Variants in NBPF3 observed in about 807,000 individuals in gnomAD.
NBPF3 encodes the protein NBPF member 3.
In NBPF3, 57 loss-of-function variants were observed where a neutral mutation model predicts 78.1. The ratio of observed to expected loss-of-function variants is 0.73; its 90% CI spans 0.59 to 0.91. The LOEUF is 0.91. Ranked by LOEUF, NBPF3 falls within the 40% of genes least tolerant of loss-of-function variation. The pLI is 0.00. For synonymous variants in NBPF3, 182 were observed against 271.7 expected (o/e 0.67, Z 3.25); for missense variants, 510 against 715.3 (o/e 0.71, Z 3.27).
chr1:21,445,370 A>G, intron 2 of NBPF3, 151 bp downstream of exon 2: 3 of 942,228 alleles, frequency 3.2e-6, no homozygotes, highest in South Asian at 3.5e-5. Context: ...TGTTAAATGA[A>G]TGAACAAATA....
chr1:21,444,788 G>T (rs868530359), intron 1 of NBPF3, among the ~76,000 whole-genome samples, 160 bp from the exon 2 acceptor site: 1 of 152,042 alleles, frequency 6.6e-6, no homozygotes, highest in South Asian at 2.1e-4. Flanking sequence ...CAGGACTGTT[G>T]ATTACATATG....
intron 2 of NBPF3, among the ~76,000 whole-genome samples, chr1:21,447,758 C>A (rs1394562739): frequency 6.6e-6 from 1 of 152,162 alleles, no homozygotes; most frequent in African/African-American, 2.4e-5. Context: ...AGTGACAGTA[C>A]CCTTTTGATT....
In NBPF3 at chr1:21,468,692, T is replaced by C. The variant is rs534234854; in HGVS notation, c.138T>C (p.Pro46=). 8.7e-6 allele frequency: 14 copies of C among 1,613,230 alleles called. No homozygotes were observed. The South Asian group carries it at 1.5e-4, about 18-fold the overall frequency. The change falls in exon 3 of 15, where the codon CCT becomes CCC. Residue 46 remains proline, a synonymous_variant. Transcript: ENST00000318249. ...RHQELRDPTV[P]GPTSSATNVS... The stretch of plus-strand genomic sequence containing the variant: ...GTTTGGGTGTCTTCTCCCCAGTCCC[T>C]GGCCCCACCTCTTCTGCCACAAACG...
Position 21,476,373 on chromosome 1 carries a change from G to T in NBPF3, c.992+1422G>T, listed in dbSNP as rs1642889253. 6.6e-6 allele frequency among the ~76,000 whole-genome samples: 1 copy of T among 152,130 alleles called. No homozygotes were observed. The highest frequency in any genetic ancestry group is 6.5e-5 in the Admixed American group (1 of 15,276). The stretch of plus-strand genomic sequence containing the variant: ...ATGCACTTTCTTCCTAGCATTGATG[G>T]TCTTTACAATTTGGCACGTTTTTGC... On this transcript the variant is annotated intron_variant, in intron 8 of 14. Coordinates refer to ENST00000318249, the MANE Select transcript of NBPF3 (RefSeq NM_032264.6). The surrounding 1 kb of genome is among the most constrained non-coding windows in gnomAD (Gnocchi z 4.1).
Position 21,476,098 on chromosome 1 carries a change from T to TG in NBPF3, c.992+1148dup, listed in dbSNP as rs2148004885. The stretch of plus-strand genomic sequence containing the variant: ...TATCAAAGACTAGGATTGCAACCCC[T>TG]GCTTTTTTTTGCTCTCCATTTGCTT... On this transcript the variant is annotated intron_variant, in intron 8 of 14. Coordinates refer to ENST00000318249, the MANE Select transcript of NBPF3 (RefSeq NM_032264.6). This position sits in a 1 kb window ranked among gnomAD's most constrained non-coding sequence, Gnocchi z 4.1. Among the ~76,000 whole-genome samples the TG allele has an allele frequency of 1.3e-5, 1 of 79,518 alleles. No individual in the cohort carries two copies. The highest frequency in any genetic ancestry group is 9.6e-4 in the South Asian group (1 of 1,044). 52.2% of individuals were successfully genotyped at this position (79,518 alleles called of 152,430 possible).
At position 21,479,186 on chromosome 1, in the gene NBPF3, C is replaced by T. The variant is rs184276306; in HGVS notation, c.1157-163C>T. ...GCTCATGAAAGGAACCAAGTCAGTT[C>T]TCTCAAGACTTGCCCTCAGGCCTCC... On this transcript the variant is annotated intron_variant, in intron 9 of 14. Coordinates refer to ENST00000318249, the MANE Select transcript of NBPF3 (RefSeq NM_032264.6). 1.7e-3 allele frequency among the ~76,000 whole-genome samples: 259 copies of T among 152,380 alleles called. 1 individual carries two copies. The highest frequency in any genetic ancestry group is 2.6e-3 in the Non-Finnish European group (174 of 68,042).
chr1:21,446,543 C>T (rs1269890415), intron 2 of NBPF3: 1 of 116,976 alleles, frequency 8.5e-6, no homozygotes, highest in Non-Finnish European at 1.8e-5. Context: ...TGCCTCCCTC[C>T]CACCCACCCT....
intron 2 of NBPF3, chr1:21,446,207 T>A (rs1350661340): frequency 6.6e-6 from 1 of 152,198 alleles, no homozygotes; most frequent in Non-Finnish European, 1.5e-5. Context: ...TTGTCTCATC[T>A]CGTTCTTGTG....
chr1:21,443,086 T>C (rs1569905593), intron 1 of NBPF3, among the ~76,000 whole-genome samples: 1 of 152,368 alleles, frequency 6.6e-6, no homozygotes, highest in East Asian at 1.9e-4. Context: ...TATGGTCATC[T>C]GATTTATGAA....
intron 3 of NBPF3, among the ~76,000 whole-genome samples, chr1:21,469,795 G>A (rs2147984324): frequency 6.6e-6 from 1 of 152,274 alleles, no homozygotes; most frequent in South Asian, 2.1e-4. Flanking sequence ...TCCTAAAGAG[G>A]AAGAAGGATC....
chr1:21,447,222 G>C (rs1160142690), intron 2 of NBPF3, among the ~76,000 whole-genome samples: 1 of 152,110 alleles, frequency 6.6e-6, no homozygotes, highest in East Asian at 1.9e-4. Context: ...TTATGAGTGT[G>C]GTCCATTGGT....
chr1:21,479,818 C>CTGTGTGTGTGTGTGTG (rs1297036233), intron 10 of NBPF3, among the ~76,000 whole-genome samples: 4 of 43,946 alleles, frequency 9.1e-5, no homozygotes, highest in South Asian at 2.2e-3. Flanking sequence ...CTCTCTCTCT[C>CTGTGTGTGTGTGTGTG]TCTGTGTGTG....
At chr1:21,436,838 C>T (rs1402500771), upstream of NBPF3, 3 of 894,458 alleles carry the variant, frequency 3.4e-6, no homozygotes, top group African/African-American at 3.5e-5. This position sits in a 1 kb window ranked among gnomAD's most constrained non-coding sequence, Gnocchi z 4.3. Context: ...GTTCTGGGTG[C>T]AGCCAGAGGC....
chr1:21,480,261 G>C (rs1210786419), intron 11 of NBPF3, 38 bp downstream of exon 11: 1 of 954,122 alleles, frequency 1.0e-6, no homozygotes, highest in Non-Finnish European at 1.6e-6. Flanking sequence ...GACTCCACCT[G>C]GTCCTCCAGA....
chr1:21,455,005 G>C (rs1158978658), intron 2 of NBPF3, among the ~76,000 whole-genome samples: 2 of 152,102 alleles, frequency 1.3e-5, no homozygotes, highest in Non-Finnish European at 1.5e-5. Context: ...TCAGTTCCTT[G>C]TGACTGTAGG....
chr1:21,471,796 T>C lies in NBPF3; in HGVS notation c.661+13T>C. 2 of 1,612,106 alleles carry C rather than the reference T, an allele frequency of 1.2e-6. No homozygotes were observed. The highest frequency in any genetic ancestry group is 1.7e-6 in the Non-Finnish European group (2 of 1,179,730). On this transcript the variant is annotated intron_variant, in intron 5 of 14. Coordinates refer to ENST00000318249, the MANE Select transcript of NBPF3 (RefSeq NM_032264.6). ...AAGCTCAGCCCAGGTGAGGTGGCCA[T>C]AGGCCCTGATGACCCAAAACCCCAG...
chr1:21,467,063 T>C (rs1289498057), intron 2 of NBPF3: 18 of 984,414 alleles, frequency 1.8e-5, no homozygotes, highest in Non-Finnish European at 2.2e-5. Context: ...AGTTTTATCA[T>C]TTTTAAAATA....
intron 2 of NBPF3, among the ~76,000 whole-genome samples, chr1:21,451,005 G>A (rs1219218489): frequency 1.3e-5 from 2 of 152,244 alleles, no homozygotes; most frequent in African/African-American, 4.8e-5. Context: ...TCGACAGCCT[G>A]GGACCGGCCC....
chr1:21,457,352 A>ATATATATATATGTGTG (rs1641668128), intron 2 of NBPF3, among the ~76,000 whole-genome samples: 2 of 144,182 alleles, frequency 1.4e-5, no homozygotes, highest in Non-Finnish European at 3.0e-5. Flanking sequence ...GTGTGTGTAT[A>ATATATATATATGTGTG]TATATATATA....
Sources: allele counts gnomAD v4.1 joint callset (sites outside exome capture counted in the v4.1 genomes callset), GRCh38; gene constraint gnomAD v4.1.1; non-coding constraint Gnocchi (gnomAD v3.1); transcripts MANE v1.5; gene names NCBI Gene and HGNC (gene_info 2026-07-23, HGNC 2026-07-21).